The following WDR93 variants were observed in gnomAD, a reference collection of about 807,000 sequenced individuals.
The protein encoded by WDR93 is WD repeat domain 93, also known as WD repeat-containing protein 93.
A neutral mutation model predicts 82.9 loss-of-function variants in WDR93; 73 were observed. That is an observed-to-expected ratio of 0.88 (90% CI 0.73 to 1.07). WDR93 has a LOEUF of 1.07. Among genes scored for constraint, WDR93 ranks in the 50% least tolerant of loss-of-function variants. WDR93 has a pLI of 0.00. For synonymous variants in WDR93, 283 were observed against 300.1 expected (o/e 0.94, Z 0.59); for missense variants, 738 against 826.0 (o/e 0.89, Z 1.31).
chr15:89,709,822 A>G (rs1965880709), intron 4 of WDR93, among the ~76,000 whole-genome samples: 1 of 151,990 alleles, frequency 6.6e-6, no homozygotes, highest in Non-Finnish European at 1.5e-5. Flanking sequence ...GTTCACAAAA[A>G]GATTTGTACA....
chr15:89,715,873 C>T (rs1398726283), intron 6 of WDR93, among the ~76,000 whole-genome samples: 1 of 152,156 alleles, frequency 6.6e-6, no homozygotes, highest in Non-Finnish European at 1.5e-5. Context: ...CATGAGCCAT[C>T]GCACCCGGCC....
chr15:89,729,003 CGT>C lies in WDR93; in HGVS notation c.1053-15_1053-14del. 6.2e-7 allele frequency: 1 copy of C among 1,610,410 alleles called. No homozygotes were observed. Among genetic ancestry groups the C allele is most frequent in the East Asian group, 2.2e-5 (1 of 44,878 alleles). Reference sequence around the variant, plus strand: ...CCAGGGAGTCTACATGGCTCTGACTCGTGTGTCTTTCTTTCCCAGTACGGCCA... The same window carrying C: ...CCAGGGAGTCTACATGGCTCTGACTCGTGTCTTTCTTTCCCAGTACGGCCA... On this transcript the variant is annotated intron_variant, in intron 9 of 16. Coordinates refer to ENST00000268130, the MANE Select transcript of WDR93 (RefSeq NM_020212.2).
chr15:89,715,121 G>A, intron 6 of WDR93, 26 bp downstream of exon 6: 1 of 1,600,784 alleles, frequency 6.2e-7, no homozygotes, highest in Non-Finnish European at 8.5e-7. Context: ...GCTTTCAGCT[G>A]ATATGTTTCT....
At chr15:89,718,390 C>T (rs1197929296) in intron 7 of WDR93, among the ~76,000 whole-genome samples, 1 of 151,982 alleles carries the variant, frequency 6.6e-6, no homozygotes, top group African/African-American at 2.4e-5. Context: ...AGGAGACTCG[C>T]TTGAACCCGG....
chr15:89,730,555 C>T (rs767951592), intron 11 of WDR93, among the ~76,000 whole-genome samples: 3 of 152,076 alleles, frequency 2.0e-5, no homozygotes, highest in Non-Finnish European at 4.4e-5. Context: ...TGAAGCTCTT[C>T]GAAATTGAAA....
rs148226805 is a variant in WDR93, at chr15:89,707,467, T to C, written c.561+1849T>C. ...CAGGAGGCTGAACAGGAGAATCACT[T>C]GAACCCAGGAGGCAGAGGTTGAAGT... On this transcript the variant is annotated intron_variant, in intron 4 of 16. Coordinates refer to ENST00000268130, the MANE Select transcript of WDR93 (RefSeq NM_020212.2). 4.6e-5 allele frequency among the ~76,000 whole-genome samples: 7 copies of C among 152,244 alleles called. No individual in the cohort carries two copies. The East Asian group carries it at 9.7e-4, about 21-fold the overall frequency.
chr15:89,697,918 C>A (rs1008279035), intron 1 of WDR93, among the ~76,000 whole-genome samples: 3 of 143,156 alleles, frequency 2.1e-5, no homozygotes, highest in Non-Finnish European at 4.5e-5. Context: ...CTCTCTCTGT[C>A]GCCCAGGCTG....
chr15:89,740,933 C>T (rs910444713), intron 16 of WDR93, among the ~76,000 whole-genome samples: 3 of 151,936 alleles, frequency 2.0e-5, no homozygotes, highest in Admixed American at 6.5e-5. Context: ...TAAGGCCAGG[C>T]GTTCGAGACC....
intron 6 of WDR93, among the ~76,000 whole-genome samples, chr15:89,715,677 G>A (rs190098293): frequency 2.0e-5 from 3 of 152,068 alleles, no homozygotes; most frequent in East Asian, 1.9e-4. Context: ...TCTGCCTCCC[G>A]GGTTCAAGCA....
At chr15:89,709,438 A>C (rs1269311748) in intron 4 of WDR93, among the ~76,000 whole-genome samples, 1 of 152,086 alleles carries the variant, frequency 6.6e-6, no homozygotes, top group Non-Finnish European at 1.5e-5. Flanking sequence ...GGCCTTAAAT[A>C]ATAATAAATA....
chr15:89,727,900 C>T (rs1291758988), intron 9 of WDR93, among the ~76,000 whole-genome samples: 2 of 151,898 alleles, frequency 1.3e-5, no homozygotes, highest in African/African-American at 4.8e-5. Flanking sequence ...CTGGTCAACA[C>T]GGTGAAACCG....
chr15:89,714,486 C>G (rs974709469), intron 5 of WDR93: 1 of 155,172 alleles, frequency 6.4e-6, no homozygotes, highest in Non-Finnish European at 1.4e-5. Flanking sequence ...TCACCATGCC[C>G]GGCTAATTTT....
At chr15:89,739,747 C>G (rs1967505821) in intron 16 of WDR93, among the ~76,000 whole-genome samples, 1 of 152,136 alleles carries the variant, frequency 6.6e-6, no homozygotes, top group African/African-American at 2.4e-5. Context: ...CTAGATGTTC[C>G]TATGTATGTA....
At chr15:89,724,857 AT>A (rs1966670541) in intron 8 of WDR93, among the ~76,000 whole-genome samples, 1 of 152,222 alleles carries the variant, frequency 6.6e-6, no homozygotes, top group Non-Finnish European at 1.5e-5. Flanking sequence ...CATACATTGC[AT>A]TTAGCAATGA....
intron 16 of WDR93, among the ~76,000 whole-genome samples, chr15:89,741,223 A>G (rs1191768317): frequency 6.6e-6 from 1 of 152,160 alleles, no homozygotes; most frequent in East Asian, 1.9e-4. Flanking sequence ...AATAAGTAAA[A>G]GGGATTTTAT....
At chr15:89,728,158 T>C (rs1423491217) in intron 9 of WDR93, among the ~76,000 whole-genome samples, 1 of 152,188 alleles carries the variant, frequency 6.6e-6, no homozygotes, top group Non-Finnish European at 1.5e-5. Flanking sequence ...AAAATTTTTC[T>C]CCATTTCCTT....
At chr15:89,724,767 A>G (rs1966666468) in intron 8 of WDR93, among the ~76,000 whole-genome samples, 1 of 152,252 alleles carries the variant, frequency 6.6e-6, no homozygotes, top group African/African-American at 2.4e-5. Context: ...GAAGTAGCGT[A>G]ACACATTCAC....
At chr15:89,734,491 A>T (rs977155743) in intron 13 of WDR93, among the ~76,000 whole-genome samples, 3 of 152,122 alleles carry the variant, frequency 2.0e-5, no homozygotes, top group Non-Finnish European at 4.4e-5. Context: ...TAGCACACAA[A>T]TGCTTTTCAA....
chr15:89,690,703 A>C (rs762146953), upstream of WDR93: 22 of 1,155,546 alleles, frequency 1.9e-5, no homozygotes, highest in Non-Finnish European at 2.8e-5. Context: ...TCGGATCCCC[A>C]GGGAACGGTC....
Sources: allele counts gnomAD v4.1 joint callset (sites outside exome capture counted in the v4.1 genomes callset), GRCh38; gene constraint gnomAD v4.1.1; transcripts MANE v1.5; gene names NCBI Gene and HGNC (gene_info 2026-07-23, HGNC 2026-07-21).